The following TEK variants were observed in gnomAD, a reference collection of about 807,000 sequenced individuals.
TEK encodes TEK receptor tyrosine kinase.
A neutral mutation model predicts 131.8 loss-of-function variants in TEK; 43 were observed. The observed-to-expected ratio is 0.33, with a 90% CI of 0.26 to 0.42. The LOEUF is 0.42. Among genes scored for constraint, TEK ranks in the 10% least tolerant of loss-of-function variants. TEK has a pLI of 1.00. For synonymous variants in TEK, 580 were observed against 491.6 expected, an observed-to-expected ratio of 1.18 and a Z score of -2.38; for missense variants, 1,162 against 1,384.4, an observed-to-expected ratio of 0.84 and a Z score of 2.55.
At position 27,168,600 on chromosome 9, in the gene TEK, A is replaced by G. The variant is rs1823828961; in HGVS notation, c.470A>G (p.Lys157Arg). ...LIKEEDAVIY[K>R]NGSFIHSVPR... ...AAAGAAGAAGATGCAGTGATTTACA[A>G]AAATGGTGAGTATGTGTTTCATTGC... Residue 157 changes from lysine to arginine, a missense_variant, in exon 3 of 23, where the codon AAA becomes AGA. Coordinates refer to ENST00000380036, the MANE Select transcript of TEK (RefSeq NM_000459.5). 3 of 1,602,588 alleles carry G rather than the reference A, an allele frequency of 1.9e-6. No homozygotes were observed. The highest frequency in any genetic ancestry group is 1.3e-5 in the African/African-American group (1 of 74,684).
chr9:27,226,889 G>C (rs377133236), intron 21 of TEK, among the ~76,000 whole-genome samples: 3 of 152,236 alleles, frequency 2.0e-5, no homozygotes, highest in African/African-American at 7.2e-5. Flanking sequence ...AGACTGCAAG[G>C]CTCTAGGTTG....
At chr9:27,158,187 C>T in intron 2 of TEK, 45 bp downstream of exon 2, 1 of 1,608,666 alleles carries the variant, frequency 6.2e-7, no homozygotes, top group Non-Finnish European at 8.5e-7. Flanking sequence ...CACTGAGGAA[C>T]ACACACACCT....
intron 1 of TEK, among the ~76,000 whole-genome samples, chr9:27,126,625 A>G (rs1372564205): frequency 6.6e-6 from 1 of 152,246 alleles, no homozygotes; most frequent in African/African-American, 2.4e-5. Flanking sequence ...CCATAGAAAT[A>G]CAGGGCAATA....
At chr9:27,168,718 T>C in intron 3 of TEK, 113 bp downstream of exon 3, 2 of 805,976 alleles carry the variant, frequency 2.5e-6, no homozygotes, top group Non-Finnish European at 2.1e-6. Context: ...GAATTAAAGC[T>C]GCTATGATGC....
At chr9:27,135,777 C>T (rs1822403140) in intron 1 of TEK, among the ~76,000 whole-genome samples, 1 of 129,844 alleles carries the variant, frequency 7.7e-6, no homozygotes, top group Non-Finnish European at 1.7e-5. Flanking sequence ...CAGAGCAGAC[C>T]TTAATCTGAT....
intron 21 of TEK, among the ~76,000 whole-genome samples, chr9:27,221,700 C>CAGAA (rs1382117094): frequency 6.6e-6 from 1 of 152,184 alleles, no homozygotes; most frequent in African/African-American, 2.4e-5. Context: ...AAGTAACAAA[C>CAGAA]AGAAAGGAAT....
At chr9:27,165,586 T>C (rs1014464786) in intron 2 of TEK, among the ~76,000 whole-genome samples, 1 of 152,240 alleles carries the variant, frequency 6.6e-6, no homozygotes, top group Admixed American at 6.5e-5. Context: ...CGACCTCTTC[T>C]AGGCACCTCA....
intron 17 of TEK, 58 bp from the exon 18 acceptor site, chr9:27,213,426 T>C: frequency 7.6e-7 from 1 of 1,311,754 alleles, no homozygotes; most frequent in Non-Finnish European, 1.1e-6. Context: ...TTCCCCAAAG[T>C]TTTCAGCCCT....
chr9:27,190,727 T>C, intron 10 of TEK, 37 bp downstream of exon 10: 1 of 1,612,416 alleles, frequency 6.2e-7, no homozygotes, highest in Non-Finnish European at 8.5e-7. Flanking sequence ...GCTGGGGATG[T>C]GGCACCAGGA....
chr9:27,213,666 T>C, intron 18 of TEK, 69 bp downstream of exon 18: 3 of 1,184,422 alleles, frequency 2.5e-6, no homozygotes, highest in Non-Finnish European at 3.8e-6. Flanking sequence ...ATGTTGCTTC[T>C]GAGACTGTCA....
chr9:27,121,380 G>A (rs1014977752), intron 1 of TEK, among the ~76,000 whole-genome samples: 1 of 151,648 alleles, frequency 6.6e-6, no homozygotes, highest in African/African-American at 2.4e-5. Flanking sequence ...TTCTGAGTTA[G>A]GGTTACCTTA....
At chr9:27,203,843 C>T (rs530535793) in intron 13 of TEK, among the ~76,000 whole-genome samples, 3 of 152,202 alleles carry the variant, frequency 2.0e-5, no homozygotes, top group Non-Finnish European at 4.4e-5. Flanking sequence ...GGATTACAGT[C>T]TGTTTTTAAA....
intron 1 of TEK, among the ~76,000 whole-genome samples, chr9:27,135,887 G>C (rs79811978): frequency 0.03 from 4,619 of 152,180 alleles, 168 homozygotes; most frequent in South Asian, 0.2. Flanking sequence ...AAGACTAAAT[G>C]TGCAGAGCCC....
At chr9:27,134,272 A>AAT (rs1822334104) in intron 1 of TEK, among the ~76,000 whole-genome samples, 1 of 152,206 alleles carries the variant, frequency 6.6e-6, no homozygotes, top group East Asian at 1.9e-4. Flanking sequence ...TGGATTAGAG[A>AAT]GTTAACATCA....
In TEK at chr9:27,197,470, C is replaced by A. The variant is rs757393856; in HGVS notation, c.1780C>A (p.Pro594Thr). Reference sequence around the variant, plus strand: ...AAGTGATCAGCAGAATATTAAAGTTCCAGGCAACTTGACTTCGGTGCTACT... The same window carrying A: ...AAGTGATCAGCAGAATATTAAAGTTACAGGCAACTTGACTTCGGTGCTACT... ...QKSDQQNIKV[P>T]GNLTSVLLNN... Residue 594 changes from proline (P) to threonine (T), a missense_variant, in exon 12 of 23, where the codon CCA becomes ACA. Physicochemically the swap from Pro to Thr is conservative, Grantham distance 38. Coordinates refer to ENST00000380036, the MANE Select transcript of TEK (RefSeq NM_000459.5). 1.2e-6 allele frequency: 2 copies of A among 1,613,996 alleles called. No homozygotes were observed. Among genetic ancestry groups the A allele is most frequent in the Admixed American group, 1.7e-5 (1 of 59,994 alleles).
intron 18 of TEK, among the ~76,000 whole-genome samples, chr9:27,217,461 A>G (rs902658597): frequency 2.0e-4 from 31 of 152,256 alleles, no homozygotes; most frequent in African/African-American, 5.3e-4. Context: ...ATGCGTGCAC[A>G]CTCACACTTC....
chr9:27,119,610 G>A (rs1564035567), intron 1 of TEK, among the ~76,000 whole-genome samples: 1 of 15,358 alleles, frequency 6.5e-5, no homozygotes, highest in Non-Finnish European at 1.4e-4. Flanking sequence ...GTGGAGAGTC[G>A]GGTGGAGAGT....
chr9:27,152,880 C>CTCAT (rs1391555429), intron 1 of TEK, among the ~76,000 whole-genome samples: 1 of 152,052 alleles, frequency 6.6e-6, no homozygotes, highest in Non-Finnish European at 1.5e-5. Flanking sequence ...TAGTTAATGG[C>CTCAT]TCATTATTCA....
intron 1 of TEK, among the ~76,000 whole-genome samples, chr9:27,132,030 G>T (rs1346591456): frequency 5.3e-5 from 8 of 150,628 alleles, no homozygotes; most frequent in Non-Finnish European, 1.0e-4. Context: ...TATTTGGAAT[G>T]TTCTAAGACC....
Sources: gnomAD v4.1 joint callset for allele counts (sites outside exome capture counted in the v4.1 genomes callset) on GRCh38, gnomAD v4.1.1 for gene constraint, MANE v1.5 for transcripts, NCBI Gene and HGNC (gene_info 2026-07-23, HGNC 2026-07-21) for gene names.